RBFOX1: variants seen among roughly 807,000 people sequenced by gnomAD.
RBFOX1 encodes the protein RNA binding fox-1 homolog 1.
In RBFOX1, 8 loss-of-function variants were observed where a neutral mutation model predicts 57.7. The observed-to-expected ratio is 0.14, with a 90% CI of 0.08 to 0.25. The LOEUF is 0.25. Ranked by LOEUF, RBFOX1 falls within the 10% of genes least tolerant of loss-of-function variation. The pLI is 1.00. For synonymous variants in RBFOX1, 326 were observed against 222.4 expected (o/e 1.47, Z -4.15); for missense variants, 611 against 548.5 (o/e 1.11, Z -1.14).
At chr16:5,705,384 C>T (rs749725236) in intron 3 of RBFOX1, among the ~76,000 whole-genome samples, 3 of 152,142 alleles carry the variant, frequency 2.0e-5, no homozygotes, top group African/African-American at 4.8e-5. Context: ...ACCTCAGCCT[C>T]CTGAGTAGCT....
chr16:5,952,218 T>A (rs964236723), intron 4 of RBFOX1, among the ~76,000 whole-genome samples: 3 of 151,610 alleles, frequency 2.0e-5, no homozygotes, highest in Non-Finnish European at 4.4e-5. Context: ...CAGTGTGACC[T>A]CGGCTCACTG....
At chr16:6,811,584 T>C (rs1379816672) in intron 3 of RBFOX1, among the ~76,000 whole-genome samples, 1 of 152,150 alleles carries the variant, frequency 6.6e-6, no homozygotes, top group African/African-American at 2.4e-5. Context: ...GCAACCTGGG[T>C]GCTAGCATGG....
chr16:6,818,165 A>G (rs928708050), intron 3 of RBFOX1, among the ~76,000 whole-genome samples: 2 of 152,070 alleles, frequency 1.3e-5, no homozygotes, highest in Non-Finnish European at 2.9e-5. Context: ...TACCAGGCAT[A>G]TGGCTTCCTG....
At chr16:7,513,693 G>T (rs1446778060) in intron 4 of RBFOX1, among the ~76,000 whole-genome samples, 1 of 152,128 alleles carries the variant, frequency 6.6e-6, no homozygotes, top group South Asian at 2.1e-4. Flanking sequence ...AAGAACTACC[G>T]GTATGAGGCG....
intron 2 of RBFOX1, among the ~76,000 whole-genome samples, chr16:6,479,871 G>A (rs2095344230): frequency 6.6e-6 from 1 of 151,850 alleles, no homozygotes. Flanking sequence ...CCAACATGGT[G>A]AAACCCCATC....
At chr16:7,602,385 G>C (rs2095074354) in intron 9 of RBFOX1, among the ~76,000 whole-genome samples, 1 of 152,142 alleles carries the variant, frequency 6.6e-6, no homozygotes, top group Non-Finnish European at 1.5e-5. Context: ...TGTGGGGCTG[G>C]GGGGGCCCTG....
chr16:5,328,876 C>G (rs1195394446), intron 1 of RBFOX1, among the ~76,000 whole-genome samples: 1 of 152,220 alleles, frequency 6.6e-6, no homozygotes, highest in African/African-American at 2.4e-5. Context: ...AACCATTAGG[C>G]TGCCTTGATT....
chr16:6,926,309 A>C (rs1479218915), intron 3 of RBFOX1, among the ~76,000 whole-genome samples: 1 of 152,128 alleles, frequency 6.6e-6, no homozygotes, highest in Non-Finnish European at 1.5e-5. Context: ...TCCATCTCAA[A>C]GAAAAAACAA....
At chr16:6,899,611 C>T (rs184377591) in intron 3 of RBFOX1, among the ~76,000 whole-genome samples, 1 of 152,160 alleles carries the variant, frequency 6.6e-6, no homozygotes, top group Non-Finnish European at 1.5e-5. Flanking sequence ...ATGCTGTCAG[C>T]CTTAGTTTTC....
At chr16:6,586,412 A>G (rs1227422175) in intron 2 of RBFOX1, among the ~76,000 whole-genome samples, 4 of 152,222 alleles carry the variant, frequency 2.6e-5, no homozygotes, top group Admixed American at 1.3e-4. Context: ...AATTTTGTGC[A>G]TCATCCATTT....
intron 4 of RBFOX1, among the ~76,000 whole-genome samples, chr16:7,098,279 C>T (rs1014563811): frequency 3.9e-5 from 6 of 152,196 alleles, no homozygotes; most frequent in Admixed American, 1.3e-4. Flanking sequence ...AAGCCATTCT[C>T]CTCTCTCAGC....
At chr16:7,242,729 G>C (rs562536677) in intron 4 of RBFOX1, among the ~76,000 whole-genome samples, 2 of 152,178 alleles carry the variant, frequency 1.3e-5, no homozygotes, top group African/African-American at 4.8e-5. Context: ...TGATTGAGTG[G>C]CCACGTGCAT....
chr16:7,117,564 A>G (rs1005537399), intron 4 of RBFOX1, among the ~76,000 whole-genome samples: 3 of 152,214 alleles, frequency 2.0e-5, no homozygotes, highest in Non-Finnish European at 4.4e-5. Context: ...ACCACAATCT[A>G]TAGTACCTCA....
chr16:6,828,056 G>C (rs1567440374), intron 3 of RBFOX1, among the ~76,000 whole-genome samples: 1 of 152,122 alleles, frequency 6.6e-6, no homozygotes, highest in Non-Finnish European at 1.5e-5. Context: ...TTGAGAAAAT[G>C]ATTAAAAGCC....
intron 3 of RBFOX1, among the ~76,000 whole-genome samples, chr16:5,662,640 G>A (rs191563990): frequency 2.0e-5 from 3 of 152,282 alleles, no homozygotes; most frequent in Admixed American, 2.0e-4. Flanking sequence ...TTAAAAATGT[G>A]TTAGTGAAAA....
chr16:7,575,541 A>G (rs907069602), intron 5 of RBFOX1, among the ~76,000 whole-genome samples: 8 of 152,176 alleles, frequency 5.3e-5, no homozygotes. Flanking sequence ...ATGCAGACCC[A>G]AGCCAAGGAA....
At chr16:5,747,899 T>C (rs1252690249) in intron 3 of RBFOX1, among the ~76,000 whole-genome samples, 4 of 152,198 alleles carry the variant, frequency 2.6e-5, no homozygotes, top group African/African-American at 7.2e-5. Flanking sequence ...ATCTTAGTTA[T>C]TTCTTGCCTT....
At chr16:6,505,736 T>G (rs970880537) in intron 2 of RBFOX1, among the ~76,000 whole-genome samples, 1 of 151,932 alleles carries the variant, frequency 6.6e-6, no homozygotes, top group Non-Finnish European at 1.5e-5. Context: ...AACTCAAGAG[T>G]CTAATGAAGG....
chr16:5,291,741 G>A (rs748048795), intron 1 of RBFOX1, among the ~76,000 whole-genome samples: 11 of 152,180 alleles, frequency 7.2e-5, no homozygotes, highest in Non-Finnish European at 1.0e-4. Flanking sequence ...GGAGGTGATC[G>A]TGGCTTGGTT....
Sources: allele counts gnomAD v4.1 joint callset (sites outside exome capture counted in the v4.1 genomes callset), GRCh38; gene constraint gnomAD v4.1.1; transcripts MANE v1.5; gene names NCBI Gene and HGNC (gene_info 2026-07-23, HGNC 2026-07-21).